Variants in DNM3 observed in about 807,000 individuals in gnomAD.
DNM3 encodes the protein dynamin-3.
Under a neutral mutation model 101.6 loss-of-function variants are expected in DNM3, and 47 were observed. The ratio of observed to expected loss-of-function variants is 0.46; its 90% CI spans 0.37 to 0.59. DNM3 has a LOEUF of 0.59. Ranked by LOEUF, DNM3 falls within the 20% of genes least tolerant of loss-of-function variation. The pLI is 0.00. For synonymous variants in DNM3, 385 were observed against 387.9 expected (o/e 0.99, Z 0.09); for missense variants, 849 against 1,085.7 (o/e 0.78, Z 3.06).
At chr1:171,921,705 A>C in intron 1 of DNM3, 43 bp from the exon 2 acceptor site, 1 of 1,513,834 alleles carries the variant, frequency 6.6e-7, no homozygotes. Context: ...ACAGGTGATA[A>C]GAATTCCTTC....
At chr1:172,112,578 C>G (rs115600232) in intron 13 of DNM3, among the ~76,000 whole-genome samples, 13 of 152,272 alleles carry the variant, frequency 8.5e-5, no homozygotes, top group Middle Eastern at 3.4e-3. Flanking sequence ...ATGTGCCATT[C>G]CTGAAAACAT....
intron 17 of DNM3, among the ~76,000 whole-genome samples, chr1:172,360,062 TA>T (rs1054903033): frequency 2.6e-5 from 4 of 152,052 alleles, no homozygotes; most frequent in Admixed American, 2.0e-4. Flanking sequence ...TTGATTTTTT[TA>T]AAAAAATTAG....
chr1:172,358,471 T>C (rs2067562693), intron 17 of DNM3, among the ~76,000 whole-genome samples: 1 of 152,132 alleles, frequency 6.6e-6, no homozygotes, highest in South Asian at 2.1e-4. Flanking sequence ...GTTGCCAAGA[T>C]GTGGTTTATC....
chr1:172,354,308 A>G (rs2067343023), intron 17 of DNM3, among the ~76,000 whole-genome samples: 1 of 152,084 alleles, frequency 6.6e-6, no homozygotes, highest in South Asian at 2.1e-4. Flanking sequence ...GAAAAGGAAA[A>G]AATTCTCAGC....
Position 172,402,981 on chromosome 1 carries a change from A to ACTT in DNM3, c.2523-4790_2523-4788dup, listed in dbSNP as rs568311035. On this transcript the variant is annotated intron_variant, in intron 20 of 20. Coordinates refer to ENST00000627582, the MANE Select transcript of DNM3 (RefSeq NM_015569.5). Reference sequence around the variant, plus strand: ...GTCCCAGGACCAGCAGCATCTGGGAACTTATTAGAAATATCCCACCACATT... The same window carrying ACTT: ...GTCCCAGGACCAGCAGCATCTGGGAACTTCTTATTAGAAATATCCCACCACATT... Among the ~76,000 whole-genome samples, 25 of 152,302 alleles carry ACTT rather than the reference A, an allele frequency of 1.6e-4. No homozygotes were observed. The East Asian group carries it at 4.6e-3, about 28-fold the overall frequency.
At chr1:172,188,169 A>C (rs1558695700) in intron 14 of DNM3, among the ~76,000 whole-genome samples, 2 of 152,098 alleles carry the variant, frequency 1.3e-5, no homozygotes, top group South Asian at 4.1e-4. Flanking sequence ...ACACTTTGAA[A>C]ATCCATCAAT....
chr1:172,411,511 A>G lies in DNM3; in HGVS notation c.*3670A>G. ...ATCTTAAAAAGCCAAGTTGATATACATAGTCATTTTTCCTCTATGGTAGAA... is the reference window on the plus strand; with the variant it reads ...ATCTTAAAAAGCCAAGTTGATATACGTAGTCATTTTTCCTCTATGGTAGAA... On this transcript the variant is annotated 3_prime_UTR_variant, in exon 21 of 21. Transcript: ENST00000627582. The G allele has an allele frequency of 5.1e-6, 5 of 984,220 alleles. No homozygotes were observed. The highest frequency in any genetic ancestry group is 6.0e-6 in the Non-Finnish European group (5 of 829,208). The allele number at this position is 984,220 out of a possible 1,614,324, so 61.0% of individuals were successfully genotyped here.
chr1:172,304,660 G>C (rs192231678), intron 15 of DNM3, among the ~76,000 whole-genome samples: 2 of 152,234 alleles, frequency 1.3e-5, no homozygotes, highest in Admixed American at 6.5e-5. Context: ...AAATGTAAAA[G>C]AACAGAAATC....
At position 172,314,958 on chromosome 1, in the gene DNM3, G is replaced by A. The variant is rs1227320782; in HGVS notation, c.1881+6119G>A. ...CTCCTCAAGTGGGTCCCTGACCCCT[G>A]ACTCCCGAGCAGCCTAACTGGGAGG... On this transcript the variant is annotated intron_variant, in intron 16 of 20. Coordinates refer to ENST00000627582, the MANE Select transcript of DNM3 (RefSeq NM_015569.5). 5.9e-5 allele frequency among the ~76,000 whole-genome samples: 9 copies of A among 152,332 alleles called. No individual in the cohort carries two copies. The East Asian group carries it at 1.7e-3, about 29-fold the overall frequency.
At chr1:171,981,017 C>T (rs1451817069) in intron 2 of DNM3, among the ~76,000 whole-genome samples, 5 of 151,700 alleles carry the variant, frequency 3.3e-5, no homozygotes, top group African/African-American at 1.2e-4. Flanking sequence ...GTGATCCACC[C>T]GCCTCAGCCT....
At chr1:172,181,894 A>G (rs574381118) in intron 14 of DNM3, among the ~76,000 whole-genome samples, 21 of 151,520 alleles carry the variant, frequency 1.4e-4, no homozygotes, top group Non-Finnish European at 2.7e-4. Flanking sequence ...CAGGCTGGCC[A>G]TAATTCTGTG....
intron 13 of DNM3, among the ~76,000 whole-genome samples, chr1:172,106,871 T>TTTTTTTTTTTAC (rs2055075541): frequency 7.8e-6 from 1 of 127,728 alleles, no homozygotes; most frequent in African/African-American, 3.3e-5. Context: ...TTTTTTTTTT[T>TTTTTTTTTTTAC]GAGACGGAGT....
intron 16 of DNM3, among the ~76,000 whole-genome samples, chr1:172,313,669 C>T (rs975001822): frequency 3.9e-5 from 6 of 152,168 alleles, no homozygotes; most frequent in Admixed American, 1.3e-4. Context: ...CAGAATAATG[C>T]CTTCCTCAGA....
chr1:172,094,478 A>T (rs978001331), intron 13 of DNM3, among the ~76,000 whole-genome samples: 6 of 152,328 alleles, frequency 3.9e-5, no homozygotes, highest in Non-Finnish European at 5.9e-5. Flanking sequence ...CACAGGTTTT[A>T]GACCTAGACA....
At chr1:172,262,566 G>T (rs2062703460) in intron 15 of DNM3, among the ~76,000 whole-genome samples, 1 of 152,172 alleles carries the variant, frequency 6.6e-6, no homozygotes, top group Admixed American at 6.5e-5. Flanking sequence ...CAGACCCTCA[G>T]CTGATCCAGC....
At chr1:172,104,545 G>A (rs2054877307) in intron 13 of DNM3, among the ~76,000 whole-genome samples, 1 of 151,838 alleles carries the variant, frequency 6.6e-6, no homozygotes, top group Non-Finnish European at 1.5e-5. Flanking sequence ...AGAGAATTTT[G>A]ATATAATAAT....
chr1:172,293,967 C>T (rs1341069793), intron 15 of DNM3, among the ~76,000 whole-genome samples: 26 of 152,174 alleles, frequency 1.7e-4, no homozygotes, highest in Non-Finnish European at 8.8e-5. Context: ...CAGCTGGCCA[C>T]GCGCTCCCAT....
chr1:171,977,595 G>A (rs1173759749), intron 2 of DNM3, among the ~76,000 whole-genome samples: 2 of 152,064 alleles, frequency 1.3e-5, no homozygotes, highest in Non-Finnish European at 2.9e-5. Context: ...TCTACTATAC[G>A]GTTTCCTACA....
At chr1:172,224,370 G>A (rs1057155770) in intron 14 of DNM3, among the ~76,000 whole-genome samples, 3 of 152,062 alleles carry the variant, frequency 2.0e-5, no homozygotes, top group African/African-American at 7.2e-5. Context: ...TTAGTATTGT[G>A]GAAATCAAAT....
Sources: allele counts gnomAD v4.1 joint callset (sites outside exome capture counted in the v4.1 genomes callset), GRCh38; gene constraint gnomAD v4.1.1; transcripts MANE v1.5; gene names NCBI Gene and HGNC (gene_info 2026-07-23, HGNC 2026-07-21).